POLB: variants seen among roughly 807,000 people sequenced by gnomAD.
POLB encodes 5'-dRP lyase.
Under a neutral mutation model 52.7 loss-of-function variants are expected in POLB, and 37 were observed. The observed-to-expected ratio is 0.70, with a 90% confidence interval of 0.54 to 0.92. The LOEUF (loss-of-function observed/expected upper bound fraction) is 0.92. POLB is among the 40% of genes least tolerant of loss of function. The probability of loss-of-function intolerance (pLI) is 0.00; values close to 1 mark genes in which losing one functional copy is unlikely to be tolerated. For missense variants in POLB, 313 were observed against 400.8 expected (o/e 0.78, Z 1.87); for synonymous variants, 138 against 131.3 (o/e 1.05, Z -0.35).
intron 9 of POLB, among the ~76,000 whole-genome samples, chr8:42,358,595 A>C (rs1823480616): frequency 6.6e-6 from 1 of 152,214 alleles, no homozygotes; most frequent in Non-Finnish European, 1.5e-5. Context: ...TAGATACCTG[A>C]ACTGAATCTC....
At chr8:42,345,369 T>C (rs1008001384) in intron 3 of POLB, among the ~76,000 whole-genome samples, 1 of 152,210 alleles carries the variant, frequency 6.6e-6, no homozygotes, top group Non-Finnish European at 1.5e-5. Context: ...TATTTTTCTC[T>C]GATCCCCAGG....
chr8:42,342,275 C>G lies in POLB; in HGVS notation c.120-2678C>G, dbSNP rs3136726. 1.6e-5 allele frequency: 25 copies of G among 1,539,792 alleles called. No homozygotes were observed. In the South Asian group the frequency reaches 2.8e-4, roughly 17 times the overall value. ...TTATCGCCAGTCACCTCCACTTGGC[C>G]TTCATAGATCTTGTCCATGCCAAAC... On this transcript the variant is annotated intron_variant, in intron 2 of 13. Transcript: ENST00000265421.
chr8:42,343,237 G>A (rs1294008496), intron 2 of POLB, among the ~76,000 whole-genome samples: 9 of 144,216 alleles, frequency 6.2e-5, no homozygotes, highest in African/African-American at 2.3e-4. Context: ...CAGGAGAATG[G>A]CATGAACCCG....
chr8:42,352,421 T>C, intron 5 of POLB, 98 bp from the exon 6 acceptor site: 1 of 794,968 alleles, frequency 1.3e-6, no homozygotes, highest in Non-Finnish European at 2.3e-6. Context: ...TAGCAGGTCT[T>C]GTTTAGCTTA....
In POLB at chr8:42,350,007, A is replaced by G. The variant is rs769895566; in HGVS notation, c.262A>G (p.Ile88Val). 3.7e-6 allele frequency: 6 copies of G among 1,600,602 alleles called. No individual in the cohort carries two copies. The East Asian group carries it at 1.1e-4, about 30-fold the overall frequency. Residue 88 changes from isoleucine to valine, a missense_variant and splice_region_variant, in exon 5 of 14, where the codon ATT (isoleucine) becomes GTT (valine). Ile to Val is a conservative substitution (Grantham distance 29). Coordinates refer to ENST00000265421, the MANE Select transcript of POLB (RefSeq NM_002690.3). ...ATGKLRKLEK[I>V]RQDDTSSSIN... ...TGTTAGACTTTTTTTTTTCTTAAAGATTCGGCAGGATGATACGAGTTCATC... is the reference window on the plus strand; with the variant it reads ...TGTTAGACTTTTTTTTTTCTTAAAGGTTCGGCAGGATGATACGAGTTCATC...
At position 42,369,173 on chromosome 8, in the gene POLB, C is replaced by G. The variant is rs1824220480; in HGVS notation, c.709-98C>G. On this transcript the variant is annotated intron_variant, in intron 11 of 13. Coordinates refer to ENST00000265421, the MANE Select transcript of POLB (RefSeq NM_002690.3). ...AAAAGTGCTCAGAATTCTAGAGCTG[C>G]TAACATTAAAAACAAAAATGGCCTT... 5 of 681,374 alleles carry G rather than the reference C, an allele frequency of 7.3e-6. No individual in the cohort carries two copies. The South Asian group carries it at 7.4e-5, about 10-fold the overall frequency. The allele number at this position is 681,374 out of a possible 1,614,324, so 42.2% of individuals were successfully genotyped here. A position where few individuals can be genotyped will look rare whatever the true frequency, so the allele number is the denominator to read the frequency against.
At chr8:42,367,854 A>T (rs1824138246) in intron 11 of POLB, among the ~76,000 whole-genome samples, 1 of 152,202 alleles carries the variant, frequency 6.6e-6, no homozygotes, top group African/African-American at 2.4e-5. Context: ...GGTGAGTGCC[A>T]TTCAGATTTC....
At chr8:42,353,666 G>T (rs1339935879) in intron 6 of POLB, among the ~76,000 whole-genome samples, 2 of 152,048 alleles carry the variant, frequency 1.3e-5, no homozygotes, top group African/African-American at 4.8e-5. Context: ...GCATATCCAT[G>T]GCATTTGGGA....
At chr8:42,367,732 A>C (rs1824130659) in intron 11 of POLB, among the ~76,000 whole-genome samples, 1 of 152,194 alleles carries the variant, frequency 6.6e-6, no homozygotes. Context: ...ATTCCAGATC[A>C]TCTTGTGCAA....
chr8:42,352,080 C>A (rs1823004641), intron 5 of POLB, among the ~76,000 whole-genome samples: 1 of 152,198 alleles, frequency 6.6e-6, no homozygotes, highest in Non-Finnish European at 1.5e-5. Flanking sequence ...TAAAGTAGGA[C>A]CCAGCCATTC....
chr8:42,366,014 C>A (rs1226451017), intron 11 of POLB, among the ~76,000 whole-genome samples: 1 of 151,848 alleles, frequency 6.6e-6, no homozygotes, highest in Non-Finnish European at 1.5e-5. Flanking sequence ...GTGGAAGGAT[C>A]GCTTGAACCA....
At position 42,369,299 on chromosome 8, in the gene POLB, A is replaced by G. The variant is rs1411635376; in HGVS notation, c.737A>G (p.Asp246Gly). 6.3e-7 allele frequency: 1 copy of G among 1,593,224 alleles called. No individual in the cohort carries two copies. ...MGVCQLPSKN[D>G]EKEYPHRRID... ...GTTTGCCAGCTTCCCAGTAAAAATGATGAAAAAGAATATCCACACAGAAGA... is the reference window on the plus strand; with the variant it reads ...GTTTGCCAGCTTCCCAGTAAAAATGGTGAAAAAGAATATCCACACAGAAGA... Residue 246 changes from aspartate to glycine, a missense_variant, in exon 12 of 14, where the codon GAT becomes GGT. Transcript: ENST00000265421.
chr8:42,344,816 A>C, intron 2 of POLB, 137 bp from the exon 3 acceptor site: 1 of 609,688 alleles, frequency 1.6e-6, no homozygotes, highest in Non-Finnish European at 2.9e-6. Context: ...TGTCTCAAAA[A>C]AAACAAAAAA....
intron 9 of POLB, among the ~76,000 whole-genome samples, chr8:42,360,122 A>T (rs1248522748): frequency 1.4e-5 from 2 of 145,578 alleles, no homozygotes; most frequent in East Asian, 2.0e-4. Context: ...TAATTTTTGT[A>T]TTTTTTTTTT....
chr8:42,367,909 T>C (rs1489648291), intron 11 of POLB, among the ~76,000 whole-genome samples: 1 of 152,158 alleles, frequency 6.6e-6, no homozygotes. Context: ...CTGTGAAATA[T>C]CTGCAGTAAG....
chr8:42,366,383 A>G (rs1042905185), intron 11 of POLB, among the ~76,000 whole-genome samples: 1 of 152,218 alleles, frequency 6.6e-6, no homozygotes, highest in African/African-American at 2.4e-5. Context: ...CTAAAAAACA[A>G]GAAGACTGGG....
At chr8:42,344,863 A>G (rs920617858) in intron 2 of POLB, 90 bp from the exon 3 acceptor site, 1 of 785,670 alleles carries the variant, frequency 1.3e-6, no homozygotes, top group Non-Finnish European at 2.2e-6. Flanking sequence ...GCATAAGCAT[A>G]GATATTTGCT....
chr8:42,364,275 T>A (rs1376231063), intron 11 of POLB, among the ~76,000 whole-genome samples: 1 of 152,012 alleles, frequency 6.6e-6, no homozygotes, highest in Non-Finnish European at 1.5e-5. Context: ...GGTCTTGCTC[T>A]GTCACCCAGG....
intron 6 of POLB, among the ~76,000 whole-genome samples, chr8:42,354,143 A>G (rs982681926): frequency 6.6e-6 from 1 of 152,164 alleles, no homozygotes; most frequent in Admixed American, 6.5e-5. Context: ...TGGTTTTTAT[A>G]TTTCACAATT....
Sources: gnomAD v4.1 joint callset for allele counts (sites outside exome capture counted in the v4.1 genomes callset) on GRCh38, gnomAD v4.1.1 for gene constraint, MANE v1.5 for transcripts, NCBI Gene and HGNC (gene_info 2026-07-23, HGNC 2026-07-21) for gene names.